Variants in HNRNPF observed in about 807,000 individuals in gnomAD.
The protein encoded by HNRNPF is HnRNP F protein.
Under a neutral mutation model 26.0 loss-of-function variants are expected in HNRNPF, and 2 were observed. The observed-to-expected ratio is 0.08, with a 90% confidence interval of 0.03 to 0.24. HNRNPF has a LOEUF of 0.24. Ranked by LOEUF, HNRNPF falls within the 10% of genes least tolerant of loss-of-function variation. The probability of loss-of-function intolerance (pLI) is 1.00; values close to 1 mark genes in which losing one functional copy is unlikely to be tolerated. For synonymous variants in HNRNPF, 234 were observed against 211.5 expected (o/e 1.11, Z -0.92); for missense variants, 299 against 539.2 (o/e 0.55, Z 4.41).
chr10:43,407,988 C>A (rs1294425896), intron 1 of HNRNPF, among the ~76,000 whole-genome samples: 1 of 152,210 alleles, frequency 6.6e-6, no homozygotes, highest in Non-Finnish European at 1.5e-5. Flanking sequence ...TGCAGTGGCA[C>A]AATCACTGTC....
intron 1 of HNRNPF, among the ~76,000 whole-genome samples, chr10:43,408,219 G>C (rs962053393): frequency 4.6e-5 from 7 of 152,180 alleles, no homozygotes; most frequent in Admixed American, 3.9e-4. Context: ...AGAGCCCTCC[G>C]GCAGTCGCCA....
At chr10:43,396,788 G>T (rs774746095) in intron 1 of HNRNPF, 198 bp from the exon 2 acceptor site, 3 of 151,916 alleles carry the variant, frequency 2.0e-5, no homozygotes, top group African/African-American at 7.3e-5. Flanking sequence ...GGGCCTGCGC[G>T]GGCTCGGGCG....
chr10:43,396,906 G>T (rs1838555255), intron 1 of HNRNPF: 1 of 147,504 alleles, frequency 6.8e-6, no homozygotes, highest in Non-Finnish European at 1.5e-5. Flanking sequence ...GAGGGGAGGG[G>T]AGGGGAGGGG....
rs760269677 is a variant in HNRNPF, at chr10:43,387,437, T to C, written c.448A>G (p.Lys150Glu). Residue 150 changes from lysine to glutamate, a missense_variant, in exon 4 of 4, where the codon AAG (lysine) becomes GAG (glutamate). Physicochemically the swap from Lys to Glu is moderately conservative, Grantham distance 56 (BLOSUM62 1). This residue lies in a region of HNRNPF where 104 missense variants were observed against 239.0 expected (regional missense o/e 0.44). Coordinates refer to ENST00000682386, the MANE Select transcript of HNRNPF (RefSeq NM_001098204.2). This position sits in a 1 kb window ranked among gnomAD's most constrained non-coding sequence, Gnocchi z 6.0. ...GITLPVDPEGKITGEAFVQFA... is the reference protein window; with the variant it reads ...GITLPVDPEGEITGEAFVQFA... ...TGCACGAACGCTTCCCCTGTAATCT[T>C]GCCTTCGGGGTCCACAGGCAATGTG... 6.2e-7 allele frequency: 1 copy of C among 1,614,212 alleles called. No homozygotes were observed. Among genetic ancestry groups the C allele is most frequent in the Non-Finnish European group, 8.5e-7 (1 of 1,180,040 alleles).
At chr10:43,399,704 G>A (rs1209282659) in intron 1 of HNRNPF, among the ~76,000 whole-genome samples, 1 of 152,214 alleles carries the variant, frequency 6.6e-6, no homozygotes, top group African/African-American at 2.4e-5. Flanking sequence ...GGTGGGAGAA[G>A]AATGTGAAAG....
chr10:43,392,489 A>C (rs900584666), intron 3 of HNRNPF, among the ~76,000 whole-genome samples: 1 of 152,242 alleles, frequency 6.6e-6, no homozygotes, highest in African/African-American at 2.4e-5. Flanking sequence ...CAGTGAGCTG[A>C]GATCGTGCCA....
Position 43,386,836 on chromosome 10 carries a change from G to T in HNRNPF, c.1049C>A (p.Ala350Asp). ...EAVAAMSKDR[A>D]NMQHRYIELF... ...TTCTATATATCTGTGCTGCATATTG[G>T]CCCTGTCTTTGGACATAGCTGCCAC... The change falls in exon 4 of 4, where the codon GCC (alanine) becomes GAC (aspartate). Residue 350 changes from alanine (A) to aspartate (D), a missense_variant. Coordinates refer to ENST00000682386, the MANE Select transcript of HNRNPF (RefSeq NM_001098204.2). 1.9e-6 allele frequency: 3 copies of T among 1,614,138 alleles called. No individual in the cohort carries two copies. The highest frequency in any genetic ancestry group is 2.5e-6 in the Non-Finnish European group (3 of 1,180,034).
At chr10:43,392,089 C>A (rs903919553) in intron 3 of HNRNPF, among the ~76,000 whole-genome samples, 5 of 152,096 alleles carry the variant, frequency 3.3e-5, no homozygotes, top group African/African-American at 1.2e-4. Flanking sequence ...ACCAAAAATA[C>A]AAAAATTAGC....
intron 3 of HNRNPF, among the ~76,000 whole-genome samples, chr10:43,389,258 C>T (rs2131962666): frequency 6.6e-6 from 1 of 152,226 alleles, no homozygotes. Context: ...TGGCGTGAGC[C>T]ACCATGCACA....
Position 43,385,650 on chromosome 10 carries a change from A to C in HNRNPF, c.*987T>G, listed in dbSNP as rs1837994806. 1 of 152,244 alleles carries C rather than the reference A, an allele frequency of 6.6e-6. No individual in the cohort carries two copies. The highest frequency in any genetic ancestry group is 1.5e-5 in the Non-Finnish European group (1 of 68,054). The allele number at this position is 152,244 out of a possible 1,614,324, so 9.4% of individuals were successfully genotyped here. On this transcript the variant is annotated 3_prime_UTR_variant, in exon 4 of 4. Transcript: ENST00000682386. ...AAATCAGCATTTTATAAAAACTAGAAACAAAATAATTGCTTTCACAATGTA... is the reference window on the plus strand; with the variant it reads ...AAATCAGCATTTTATAAAAACTAGACACAAAATAATTGCTTTCACAATGTA...
Position 43,387,441 on chromosome 10 carries a change from T to C in HNRNPF, c.444A>G (p.Glu148=). 1.2e-6 allele frequency: 2 copies of C among 1,614,210 alleles called. No individual in the cohort carries two copies. Among genetic ancestry groups the C allele is most frequent in the Non-Finnish European group, 1.7e-6 (2 of 1,180,036 alleles). Residue 148 remains glutamate, a synonymous_variant, in exon 4 of 4, where the codon GAA becomes GAG. Coordinates refer to ENST00000682386, the MANE Select transcript of HNRNPF (RefSeq NM_001098204.2). The surrounding 1 kb of genome is among the most constrained non-coding windows in gnomAD (Gnocchi z 6.0). ...PNGITLPVDP[E]GKITGEAFVQ... ...CGAACGCTTCCCCTGTAATCTTGCC[T>C]TCGGGGTCCACAGGCAATGTGATCC...
intron 1 of HNRNPF, among the ~76,000 whole-genome samples, chr10:43,407,507 T>G (rs1838964310): frequency 1.3e-5 from 2 of 151,988 alleles, no homozygotes; most frequent in African/African-American, 4.8e-5. Context: ...GTCGGGTGCC[T>G]TGCTCCTCAA....
At chr10:43,388,014 G>A (rs376593709) in intron 3 of HNRNPF, 78 bp from the exon 4 acceptor site, 5 of 719,204 alleles carry the variant, frequency 7.0e-6, no homozygotes, top group African/African-American at 5.4e-5. Context: ...GAGGTAGCAA[G>A]ACATTAAGAA....
At chr10:43,392,093 A>C (rs1442636022) in intron 3 of HNRNPF, among the ~76,000 whole-genome samples, 2 of 152,104 alleles carry the variant, frequency 1.3e-5, no homozygotes, top group East Asian at 3.8e-4. Context: ...AAAATACAAA[A>C]ATTAGCCGAG....
intron 1 of HNRNPF, among the ~76,000 whole-genome samples, chr10:43,399,217 G>T (rs1018649100): frequency 2.0e-5 from 3 of 152,016 alleles, no homozygotes; most frequent in African/African-American, 7.2e-5. Context: ...AACGTAGCTG[G>T]GACCACAGGT....
intron 1 of HNRNPF, among the ~76,000 whole-genome samples, chr10:43,399,122 T>C (rs1359764141): frequency 6.6e-6 from 1 of 152,162 alleles, no homozygotes; most frequent in African/African-American, 2.4e-5. Context: ...TAACTGTCCA[T>C]GATTAGTAAC....
intron 3 of HNRNPF, among the ~76,000 whole-genome samples, chr10:43,392,735 T>G (rs538049207): frequency 1.4e-4 from 22 of 152,278 alleles, no homozygotes; most frequent in African/African-American, 5.1e-4. Flanking sequence ...CCATTAACTG[T>G]AGGGAATCAG....
Position 43,396,595 on chromosome 10 carries a change from A to C in HNRNPF, c.-246-5T>G, listed in dbSNP as rs1838528041. On this transcript the variant is annotated splice_region_variant and splice_polypyrimidine_tract_variant and intron_variant, in intron 1 of 3. Coordinates refer to ENST00000682386, the MANE Select transcript of HNRNPF (RefSeq NM_001098204.2). ...GTGCATGTTTTTGTTCTCAACCTGCAACAGAAATCCAAGTGGTGGTGGGGT... is the reference window on the plus strand; with the variant it reads ...GTGCATGTTTTTGTTCTCAACCTGCCACAGAAATCCAAGTGGTGGTGGGGT... The C allele has an allele frequency of 6.6e-6, 1 of 152,200 alleles. No individual in the cohort carries two copies. The highest frequency in any genetic ancestry group is 2.4e-5 in the African/African-American group (1 of 41,444). 9.4% of individuals were successfully genotyped at this position (152,200 alleles called of 1,614,324 possible). A position where few individuals can be genotyped will look rare whatever the true frequency, so the allele number is the denominator to read the frequency against.
At chr10:43,399,333 CT>C (rs1323391096) in intron 1 of HNRNPF, among the ~76,000 whole-genome samples, 30 of 152,240 alleles carry the variant, frequency 2.0e-4, no homozygotes, top group Middle Eastern at 3.4e-3. Context: ...ACTGATCCAC[CT>C]TGGCCTCCCA....
Sources: gnomAD v4.1 joint callset for allele counts (sites outside exome capture counted in the v4.1 genomes callset) on GRCh38, gnomAD v4.1.1 for gene constraint, gnomAD v4.1.1 regional missense constraint, Gnocchi (gnomAD v3.1) non-coding constraint, MANE v1.5 for transcripts, NCBI Gene and HGNC (gene_info 2026-07-23, HGNC 2026-07-21) for gene names.